The following RASGRF2 variants were observed in gnomAD, a reference collection of about 807,000 sequenced individuals.
RASGRF2 encodes the protein ras-specific guanine nucleotide-releasing factor 2.
A neutral mutation model predicts 151.0 loss-of-function variants in RASGRF2; 76 were observed. That is an observed-to-expected ratio of 0.50 (90% CI 0.42 to 0.61). The LOEUF is 0.61. Among genes scored for constraint, RASGRF2 ranks in the 20% least tolerant of loss-of-function variants. The probability of loss-of-function intolerance (pLI) is 0.00; values close to 1 mark genes in which losing one functional copy is unlikely to be tolerated. For synonymous variants in RASGRF2, 504 were observed against 566.5 expected (o/e 0.89, Z 1.57); for missense variants, 1,148 against 1,564.6 (o/e 0.73, Z 4.49).
chr5:81,225,538 G>T (rs1447156220), intron 26 of RASGRF2, 140 bp from the exon 27 acceptor site: 35 of 1,157,436 alleles, frequency 3.0e-5, no homozygotes, highest in Non-Finnish European at 3.9e-5. Context: ...TTTAACAATG[G>T]AAACATATTT....
intron 1 of RASGRF2, among the ~76,000 whole-genome samples, chr5:81,018,358 G>A (rs751803673): frequency 4.6e-5 from 7 of 152,008 alleles, no homozygotes; most frequent in African/African-American, 7.2e-5. Flanking sequence ...GTTCTGCCTC[G>A]TCTTAGTTCT....
At chr5:81,045,833 G>C (rs1026038613) in intron 2 of RASGRF2, among the ~76,000 whole-genome samples, 1 of 152,088 alleles carries the variant, frequency 6.6e-6, no homozygotes, top group Admixed American at 6.5e-5. Context: ...TTTAAACTTG[G>C]ATCTGCAAAA....
intron 17 of RASGRF2, among the ~76,000 whole-genome samples, chr5:81,163,396 C>T (rs1179765184): frequency 1.3e-5 from 2 of 152,092 alleles, no homozygotes; most frequent in African/African-American, 2.4e-5. Flanking sequence ...TATGAAAGAA[C>T]GTCCATTTTT....
intron 17 of RASGRF2, among the ~76,000 whole-genome samples, chr5:81,151,403 GA>G (rs1754131755): frequency 9.5e-6 from 1 of 105,794 alleles, no homozygotes; most frequent in Admixed American, 1.0e-4. Flanking sequence ...TTTTTTTTTT[GA>G]GATGGAGTCT....
chr5:81,058,063 A>T (rs1009592014), intron 2 of RASGRF2, among the ~76,000 whole-genome samples: 21 of 152,138 alleles, frequency 1.4e-4, no homozygotes, highest in Admixed American at 3.9e-4. Flanking sequence ...AATATATAAT[A>T]CATGATTATT....
At chr5:81,213,581 A>G (rs1755669704) in intron 23 of RASGRF2, among the ~76,000 whole-genome samples, 2 of 151,754 alleles carry the variant, frequency 1.3e-5, no homozygotes, top group Admixed American at 1.3e-4. Context: ...TTATCACCCT[A>G]CTCTGAGGAT....
At chr5:81,059,435 CA>C (rs1751346557) in intron 2 of RASGRF2, among the ~76,000 whole-genome samples, 1 of 150,236 alleles carries the variant, frequency 6.7e-6, no homozygotes. Flanking sequence ...TCAAAGCTTA[CA>C]CCTCGCTGGA....
intron 15 of RASGRF2, 36 bp downstream of exon 15, chr5:81,113,956 A>T: frequency 5.7e-6 from 9 of 1,576,106 alleles, no homozygotes; most frequent in Non-Finnish European, 7.8e-6. Context: ...TACACCCCAC[A>T]TTTGCTGGCC....
intron 23 of RASGRF2, among the ~76,000 whole-genome samples, chr5:81,213,350 G>A (rs1028907458): frequency 6.6e-6 from 1 of 151,802 alleles, no homozygotes; most frequent in South Asian, 2.1e-4. Flanking sequence ...GGGCGAGGGG[G>A]AAAGGGCCTC....
Position 81,226,181 on chromosome 5 carries a change from T to G in RASGRF2, c.*411T>G, listed in dbSNP as rs1295700173. The G allele has an allele frequency of 1.3e-5, 2 of 156,934 alleles. No homozygotes were observed. Among genetic ancestry groups the G allele is most frequent in the Non-Finnish European group, 2.8e-5 (2 of 71,486 alleles). 9.7% of individuals were successfully genotyped at this position (156,934 alleles called of 1,614,324 possible). On this transcript the variant is annotated 3_prime_UTR_variant, in exon 27 of 27. Transcript: ENST00000265080. Reference sequence around the variant, plus strand: ...CTGGCCTGGGCACACCTACCAATCTTCTAGGATTTGACTGGTTCCATTACA... The same window carrying G: ...CTGGCCTGGGCACACCTACCAATCTGCTAGGATTTGACTGGTTCCATTACA...
chr5:81,046,152 C>A (rs1432443100), intron 2 of RASGRF2, among the ~76,000 whole-genome samples: 1 of 152,106 alleles, frequency 6.6e-6, no homozygotes, highest in Non-Finnish European at 1.5e-5. Context: ...CCTGTAGATG[C>A]CACTTAGATA....
At chr5:81,198,433 A>G (rs148905790) in intron 18 of RASGRF2, among the ~76,000 whole-genome samples, 132 of 148,000 alleles carry the variant, frequency 8.9e-4, no homozygotes, top group African/African-American at 3.1e-3. Flanking sequence ...ATGTTGCTTT[A>G]TAGAACATGA....
At chr5:80,982,856 T>C (rs1000300951) in intron 1 of RASGRF2, among the ~76,000 whole-genome samples, 3 of 152,054 alleles carry the variant, frequency 2.0e-5, no homozygotes, top group Admixed American at 1.3e-4. Context: ...CGCCTGGGCC[T>C]CCCAAAGTGC....
chr5:81,203,684 A>T (rs1383579444), intron 19 of RASGRF2, among the ~76,000 whole-genome samples: 1 of 152,214 alleles, frequency 6.6e-6, no homozygotes, highest in Non-Finnish European at 1.5e-5. Flanking sequence ...TATGGATGTC[A>T]AGTTCTCAAC....
intron 17 of RASGRF2, among the ~76,000 whole-genome samples, chr5:81,168,310 T>TCTC (rs1249214234): frequency 5.2e-4 from 2 of 3,874 alleles, no homozygotes; most frequent in African/African-American, 2.5e-3. Flanking sequence ...TTTTCTTCTC[T>TCTC]TTTTTTTTTT....
In RASGRF2 at chr5:81,112,814, ACT is replaced by A; in HGVS notation, c.2047_2048del (p.Ser683ArgfsTer28). 6.2e-7 allele frequency: 1 copy of A among 1,613,046 alleles called. No individual in the cohort carries two copies. Among genetic ancestry groups the A allele is most frequent in the East Asian group, 2.2e-5 (1 of 44,838 alleles). On this transcript the variant is annotated frameshift_variant, in exon 14 of 27. Transcript: ENST00000265080. LOFTEE classifies it high-confidence loss of function. The stretch of plus-strand genomic sequence containing the variant: ...CTACTGCCGCTGTGGTGCTGGGGAA[ACT>A]CTCCGACATATACAAGAGGCCTTTC... Reference protein sequence around the residue: ...FTTAAVVLGKLSDIYKRPFTS... With the variant: ...FTTAAVVLGKXSDIYKRPFTS...
chr5:81,004,735 A>G (rs1017315264), intron 1 of RASGRF2, among the ~76,000 whole-genome samples: 2 of 152,216 alleles, frequency 1.3e-5, no homozygotes, highest in Admixed American at 6.5e-5. Context: ...AGAATTTATC[A>G]TTTTGGCAGA....
At chr5:81,017,217 C>T (rs1333825196) in intron 1 of RASGRF2, among the ~76,000 whole-genome samples, 1 of 152,200 alleles carries the variant, frequency 6.6e-6, no homozygotes, top group East Asian at 1.9e-4. Context: ...ACAGCAATGA[C>T]AGGATGCACT....
At chr5:81,007,064 C>T (rs1045193041) in intron 1 of RASGRF2, among the ~76,000 whole-genome samples, 3 of 152,148 alleles carry the variant, frequency 2.0e-5, no homozygotes, top group African/African-American at 4.8e-5. Flanking sequence ...TACCTCATTG[C>T]GTGGTGGAGT....
Sources: gnomAD v4.1 joint callset for allele counts (sites outside exome capture counted in the v4.1 genomes callset) on GRCh38, gnomAD v4.1.1 for gene constraint, MANE v1.5 for transcripts, NCBI Gene and HGNC (gene_info 2026-07-23, HGNC 2026-07-21) for gene names.